PCDH15: variants seen among roughly 807,000 people sequenced by gnomAD.
The protein encoded by PCDH15 is protocadherin-15.
A neutral mutation model predicts 178.5 loss-of-function variants in PCDH15; 129 were observed. The observed-to-expected ratio is 0.72, with a 90% CI of 0.63 to 0.84. The LOEUF (loss-of-function observed/expected upper bound fraction) is 0.84, where lower values mean the gene tolerates loss of function less well. Ranked by LOEUF, PCDH15 falls within the 40% of genes least tolerant of loss-of-function variation. The pLI is 0.00. For missense variants in PCDH15, 2,230 were observed against 2,099.9 expected, an observed-to-expected ratio of 1.06 and a Z score of -1.21; for synonymous variants, 800 against 732.0, an observed-to-expected ratio of 1.09 and a Z score of -1.50.
intron 2 of PCDH15, among the ~76,000 whole-genome samples, chr10:55,404,262 G>A (rs1385272101): frequency 1.3e-5 from 2 of 151,882 alleles, no homozygotes; most frequent in East Asian, 3.9e-4. Context: ...AACCAAACCA[G>A]CATAGCAACC....
chr10:54,867,778 T>TG (rs1306619793), intron 3 of PCDH15, among the ~76,000 whole-genome samples: 1 of 152,126 alleles, frequency 6.6e-6, no homozygotes, highest in African/African-American at 2.4e-5. Context: ...TTTCTGAAGT[T>TG]GGCCCTCCAA....
At chr10:54,984,962 T>C (rs1300526444) in intron 2 of PCDH15, among the ~76,000 whole-genome samples, 1 of 152,176 alleles carries the variant, frequency 6.6e-6, no homozygotes. Flanking sequence ...TTTTTCTTGT[T>C]ATCCTGACTT....
At chr10:55,049,073 T>C (rs960728815) in intron 2 of PCDH15, among the ~76,000 whole-genome samples, 3 of 151,916 alleles carry the variant, frequency 2.0e-5, no homozygotes, top group African/African-American at 7.2e-5. Context: ...ATTCTTAGAG[T>C]GACTTTCCAG....
At chr10:54,988,213 T>C (rs935655539) in intron 2 of PCDH15, among the ~76,000 whole-genome samples, 1 of 152,220 alleles carries the variant, frequency 6.6e-6, no homozygotes, top group African/African-American at 2.4e-5. Flanking sequence ...TTCTGTTCCC[T>C]TGGTCTATAT....
At chr10:55,602,159 C>A (rs995249188) in intron 2 of PCDH15, among the ~76,000 whole-genome samples, 1 of 152,126 alleles carries the variant, frequency 6.6e-6, no homozygotes, top group Non-Finnish European at 1.5e-5. Flanking sequence ...CACTCCCACC[C>A]GAATACTGCG....
chr10:54,453,275 A>G (rs2076597971), intron 3 of PCDH15, among the ~76,000 whole-genome samples: 2 of 152,174 alleles, frequency 1.3e-5, no homozygotes. Context: ...ACAATGATAG[A>G]CTGGATGAAG....
intron 33 of PCDH15, among the ~76,000 whole-genome samples, chr10:53,819,799 T>G (rs990981554): frequency 6.6e-6 from 1 of 152,094 alleles, no homozygotes; most frequent in Non-Finnish European, 1.5e-5. Flanking sequence ...AGGTCTCATA[T>G]AGAAGATATT....
chr10:55,540,619 C>T (rs1475172880), intron 2 of PCDH15, among the ~76,000 whole-genome samples: 2 of 151,964 alleles, frequency 1.3e-5, no homozygotes, highest in Admixed American at 6.6e-5. Flanking sequence ...ATTAAAGATG[C>T]TACTATAAAA....
intron 3 of PCDH15, among the ~76,000 whole-genome samples, chr10:54,866,373 G>A (rs1302850384): frequency 6.6e-6 from 1 of 152,114 alleles, no homozygotes; most frequent in Non-Finnish European, 1.5e-5. Flanking sequence ...GAAGTCTACT[G>A]TAGGCATCTG....
chr10:55,485,834 C>T lies in PCDH15; in HGVS notation c.-156+141791G>A, dbSNP rs184185568. ...TATCAGTATATTGAAGAGATACTTG[C>T]ATTCCAATGTGATTTATGATAAACA... is the stretch of plus-strand genomic sequence containing the variant. On this transcript the variant is annotated intron_variant, in intron 2 of 5. Transcript: ENST00000613346. 4.6e-5 allele frequency among the ~76,000 whole-genome samples: 7 copies of T among 151,838 alleles called. No individual in the cohort carries two copies. In the East Asian group the frequency reaches 1.2e-3, roughly 25 times the overall value.
chr10:53,952,905 C>T (rs558023326), intron 23 of PCDH15, among the ~76,000 whole-genome samples: 1 of 152,232 alleles, frequency 6.6e-6, no homozygotes, highest in Non-Finnish European at 1.5e-5. Flanking sequence ...GACAGCTTTG[C>T]TCTGAAATTG....
chr10:55,551,221 C>T (rs532167059), intron 2 of PCDH15, among the ~76,000 whole-genome samples: 2 of 152,038 alleles, frequency 1.3e-5, no homozygotes, highest in Admixed American at 1.3e-4. Flanking sequence ...AAAATAGAAG[C>T]TATCTGTAGT....
chr10:54,408,474 A>G (rs1953000354), intron 3 of PCDH15, among the ~76,000 whole-genome samples: 1 of 133,672 alleles, frequency 7.5e-6, no homozygotes, highest in African/African-American at 2.7e-5. Flanking sequence ...AAGTGATTTG[A>G]AAAGAAAATC....
At chr10:54,866,945 T>A (rs1016365901) in intron 3 of PCDH15, among the ~76,000 whole-genome samples, 1 of 152,194 alleles carries the variant, frequency 6.6e-6, no homozygotes, top group Non-Finnish European at 1.5e-5. Context: ...TGATGAGAAA[T>A]GAACACAGTG....
chr10:54,171,573 G>A (rs920686682), intron 13 of PCDH15, among the ~76,000 whole-genome samples: 10 of 151,188 alleles, frequency 6.6e-5, no homozygotes, highest in Non-Finnish European at 1.2e-4. Context: ...TTACACTGCC[G>A]GTTTACACTG....
chr10:54,349,453 T>C (rs1254803813), intron 5 of PCDH15, among the ~76,000 whole-genome samples: 3 of 152,218 alleles, frequency 2.0e-5, no homozygotes, highest in Non-Finnish European at 2.9e-5. Context: ...GGCATATTTC[T>C]AAATTCAATA....
chr10:55,048,874 G>C (rs1591858640), intron 2 of PCDH15, among the ~76,000 whole-genome samples: 1 of 152,024 alleles, frequency 6.6e-6, no homozygotes, highest in Admixed American at 6.6e-5. Context: ...CAAGATCTTA[G>C]AGGTTATAAA....
intron 3 of PCDH15, among the ~76,000 whole-genome samples, chr10:54,490,440 A>T (rs1358849070): frequency 6.6e-6 from 1 of 152,086 alleles, no homozygotes; most frequent in African/African-American, 2.4e-5. Flanking sequence ...ACAGAGCAAG[A>T]CTATGTCTCA....
intron 2 of PCDH15, among the ~76,000 whole-genome samples, chr10:54,583,052 T>A (rs1431506550): frequency 6.6e-6 from 1 of 151,792 alleles, no homozygotes; most frequent in Admixed American, 6.6e-5. Context: ...AGGAAAAAAA[T>A]TTAAAAGAAT....
Sources: allele counts gnomAD v4.1 joint callset (sites outside exome capture counted in the v4.1 genomes callset), GRCh38; gene constraint gnomAD v4.1.1; transcripts MANE v1.5; gene names NCBI Gene and HGNC (gene_info 2026-07-23, HGNC 2026-07-21).